Variants in MARCHF4 observed in about 807,000 individuals in gnomAD.
MARCHF4 encodes the protein membrane associated ring-CH-type finger 4.
In MARCHF4, 14 loss-of-function variants were observed where a neutral mutation model predicts 43.9. That is an observed-to-expected ratio of 0.32 (90% CI 0.21 to 0.50). The LOEUF (loss-of-function observed/expected upper bound fraction) is 0.50, where lower values mean the gene tolerates loss of function less well. Among genes scored for constraint, MARCHF4 ranks in the 20% least tolerant of loss-of-function variants. The pLI is 0.98. For synonymous variants in MARCHF4, 226 were observed against 213.3 expected, an observed-to-expected ratio of 1.06 and a Z score of -0.52; for missense variants, 468 against 536.7, an observed-to-expected ratio of 0.87 and a Z score of 1.27.
Position 216,369,835 on chromosome 2 carries a change from C to T in MARCHF4, c.426G>A (p.Glu142=). The change falls in exon 1 of 4, where the codon GAG becomes GAA. Residue 142 remains glutamate, a synonymous_variant. Coordinates refer to ENST00000273067, the MANE Select transcript of MARCHF4 (RefSeq NM_020814.3). ...SSASSDDFCK[E]KTEDRYSLGS... is the part of the protein sequence containing the mutation. ...CCAGTGAGTAGCGATCCTCGGTCTT[C>T]TCCTTACAGAAGTCATCTGAGGAGG... is the stretch of plus-strand genomic sequence containing the variant. 1 of 1,613,990 alleles carries T rather than the reference C, an allele frequency of 6.2e-7. No individual in the cohort carries two copies. The highest frequency in any genetic ancestry group is 8.5e-7 in the Non-Finnish European group (1 of 1,179,962).
chr2:216,340,717 G>C (rs1692223684), intron 1 of MARCHF4, among the ~76,000 whole-genome samples: 1 of 152,242 alleles, frequency 6.6e-6, no homozygotes, highest in African/African-American at 2.4e-5. Flanking sequence ...GGCTGTAGGA[G>C]ACAGAGCTGT....
At chr2:216,355,931 CGCCT>C (rs944981163) in intron 1 of MARCHF4, among the ~76,000 whole-genome samples, 3 of 152,098 alleles carry the variant, frequency 2.0e-5, no homozygotes, top group African/African-American at 7.2e-5. Context: ...ACAGAAGGGA[CGCCT>C]CTACACCCTC....
At chr2:216,320,625 TTCTTTCTTTCTTTC>T (rs2105962898) in intron 1 of MARCHF4, among the ~76,000 whole-genome samples, 1 of 92,322 alleles carries the variant, frequency 1.1e-5, no homozygotes, top group East Asian at 2.8e-4. Flanking sequence ...CTTTCTTTCT[TTCTTTCTTTCTTTC>T]TTTCTTTCTT....
intron 1 of MARCHF4, among the ~76,000 whole-genome samples, chr2:216,356,412 G>A (rs1692504025): frequency 6.6e-6 from 1 of 152,214 alleles, no homozygotes; most frequent in Non-Finnish European, 1.5e-5. Flanking sequence ...TACTTCTCAA[G>A]AGCCCATTTC....
At chr2:216,295,543 T>G (rs1187457353) in intron 1 of MARCHF4, among the ~76,000 whole-genome samples, 2 of 151,738 alleles carry the variant, frequency 1.3e-5, no homozygotes, top group African/African-American at 4.8e-5. Flanking sequence ...ACCTAGGGAG[T>G]GTTTATTGTG....
rs1457598075 is a variant in MARCHF4 at position 216,371,882 on chromosome 2, C to G, written c.-1622G>C. On this transcript the variant is annotated 5_prime_UTR_variant, in exon 1 of 4. Transcript: ENST00000273067. ...GGCCTCGGCCCGCTCTCTGCCCCCC[C>G]ACCCCGCCCCTTCCTCCTCTCCACC... The G allele has an allele frequency of 6.6e-6, 1 of 152,180 alleles. No homozygotes were observed. The highest frequency in any genetic ancestry group is 1.9e-4 in the East Asian group (1 of 5,162). The allele number at this position is 152,180 out of a possible 1,614,324, so 9.4% of individuals were successfully genotyped here.
chr2:216,344,380 C>T (rs939664901), intron 1 of MARCHF4, among the ~76,000 whole-genome samples: 1 of 152,134 alleles, frequency 6.6e-6, no homozygotes, highest in Non-Finnish European at 1.5e-5. Flanking sequence ...ACGCCGGCTG[C>T]CTCTCGTAGA....
At chr2:216,310,498 G>A (rs1487377289) in intron 1 of MARCHF4, among the ~76,000 whole-genome samples, 2 of 152,158 alleles carry the variant, frequency 1.3e-5, no homozygotes, top group Non-Finnish European at 2.9e-5. Flanking sequence ...CTGGGCTCAA[G>A]CGATCCTCCT....
intron 3 of MARCHF4, among the ~76,000 whole-genome samples, chr2:216,270,686 C>G (rs1690922085): frequency 1.3e-5 from 2 of 152,048 alleles, no homozygotes; most frequent in African/African-American, 4.8e-5. Flanking sequence ...TGTTGTGATG[C>G]CTTTGCCAAG....
At chr2:216,293,962 GCATAA>G (rs1219413254) in intron 1 of MARCHF4, among the ~76,000 whole-genome samples, 4,635 of 93,334 alleles carry the variant, frequency 0.05, 929 homozygotes, top group Non-Finnish European at 0.093. Flanking sequence ...TTGTCTTTCT[GCATAA>G]CTCATCATTA....
At position 216,324,650 on chromosome 2, in the gene MARCHF4, G is replaced by C. The variant is rs1448247065; in HGVS notation, c.517-40921C>G. ...GTGGGCTTCATCCCTGGGATGCAAG[G>C]CTGGTTCAATATATGCAAATCAATA... On this transcript the variant is annotated intron_variant, in intron 1 of 3. Transcript: ENST00000273067. Among the ~76,000 whole-genome samples the C allele has an allele frequency of 6.0e-4, 90 of 150,660 alleles. No individual in the cohort carries two copies. The South Asian group carries it at 8.0e-3, about 13-fold the overall frequency.
rs1224162929 is a variant in MARCHF4 at position 216,312,433 on chromosome 2, C to T, written c.517-28704G>A. ...GTGATGAACAAACAAGTACAGGTGT[C>T]TTTTTTAACATAATGATTTCTTTTC... On this transcript the variant is annotated intron_variant, in intron 1 of 3. Coordinates refer to ENST00000273067, the MANE Select transcript of MARCHF4 (RefSeq NM_020814.3). Among the ~76,000 whole-genome samples, 4 of 152,034 alleles carry T rather than the reference C, an allele frequency of 2.6e-5. No individual in the cohort carries two copies. The East Asian group carries it at 7.7e-4, about 29-fold the overall frequency.
intron 1 of MARCHF4, among the ~76,000 whole-genome samples, chr2:216,310,117 C>T (rs1691660291): frequency 6.6e-6 from 1 of 152,096 alleles, no homozygotes; most frequent in Non-Finnish European, 1.5e-5. Flanking sequence ...GAGGCACCTA[C>T]CCAGTGCAAT....
intron 1 of MARCHF4, among the ~76,000 whole-genome samples, chr2:216,317,653 A>G (rs1691801430): frequency 6.6e-6 from 1 of 152,136 alleles, no homozygotes. Flanking sequence ...ACCTCAAGTG[A>G]TCCACCCCCC....
chr2:216,261,084 T>G (rs951684365), intron 3 of MARCHF4, among the ~76,000 whole-genome samples: 11 of 152,174 alleles, frequency 7.2e-5, no homozygotes, highest in Non-Finnish European at 1.5e-4. Flanking sequence ...GGCTATGGAT[T>G]TGTGTGGTGG....
At chr2:216,287,679 C>T (rs1297898506) in intron 1 of MARCHF4, among the ~76,000 whole-genome samples, 2 of 150,810 alleles carry the variant, frequency 1.3e-5, no homozygotes, top group African/African-American at 4.9e-5. Context: ...AGGAGATATA[C>T]CTAATGCTAA....
rs768061119 is a variant in MARCHF4 at position 216,257,976 on chromosome 2, A to G, written c.*1336T>C. The G allele has an allele frequency of 6.6e-6, 1 of 152,168 alleles. No individual in the cohort carries two copies. The highest frequency in any genetic ancestry group is 1.5e-5 in the Non-Finnish European group (1 of 68,034). 9.4% of individuals were successfully genotyped at this position (152,168 alleles called of 1,614,324 possible). A position where few individuals can be genotyped will look rare whatever the true frequency, so the allele number is the denominator to read the frequency against. On this transcript the variant is annotated 3_prime_UTR_variant, in exon 4 of 4. Coordinates refer to ENST00000273067, the MANE Select transcript of MARCHF4 (RefSeq NM_020814.3). ...AAAAAGTACTTGACAGTGTCCTTTT[A>G]ATACCCATGGATGACGCGACCACTG... is the stretch of plus-strand genomic sequence containing the variant.
At chr2:216,320,558 C>T (rs1691862937) in intron 1 of MARCHF4, among the ~76,000 whole-genome samples, 1 of 152,042 alleles carries the variant, frequency 6.6e-6, no homozygotes, top group Non-Finnish European at 1.5e-5. Flanking sequence ...AGCCACTACC[C>T]TATTATGCAG....
chr2:216,300,515 T>G (rs2105949326), intron 1 of MARCHF4, among the ~76,000 whole-genome samples: 1 of 151,954 alleles, frequency 6.6e-6, no homozygotes, highest in African/African-American at 2.4e-5. Flanking sequence ...AGCTAAATTT[T>G]TTTGTATATT....
Sources: allele counts gnomAD v4.1 joint callset (sites outside exome capture counted in the v4.1 genomes callset), GRCh38; gene constraint gnomAD v4.1.1; transcripts MANE v1.5; gene names NCBI Gene and HGNC (gene_info 2026-07-23, HGNC 2026-07-21).